The following ZC3H7B variants were observed in gnomAD, a reference collection of about 807,000 sequenced individuals.
ZC3H7B encodes the protein zinc finger CCCH-type containing 7B, also known as zinc finger CCCH domain-containing protein 7B.
In ZC3H7B, 35 loss-of-function variants were observed where a neutral mutation model predicts 116.0. The ratio of observed to expected loss-of-function variants is 0.30; its 90% CI spans 0.23 to 0.40. The LOEUF (loss-of-function observed/expected upper bound fraction) is 0.40, where lower values mean the gene tolerates loss of function less well. Ranked by LOEUF, ZC3H7B falls within the 10% of genes least tolerant of loss-of-function variation. The pLI is 1.00. For synonymous variants in ZC3H7B, 502 were observed against 545.6 expected (o/e 0.92, Z 1.11); for missense variants, 1,011 against 1,321.5 (o/e 0.77, Z 3.64).
Position 41,357,645 on chromosome 22 carries a change from T to A in ZC3H7B, c.*216T>A. On this transcript the variant is annotated 3_prime_UTR_variant, in exon 23 of 23. Coordinates refer to ENST00000352645, the MANE Select transcript of ZC3H7B (RefSeq NM_017590.6). The surrounding 1 kb of genome is among the most constrained non-coding windows in gnomAD (Gnocchi z 5.4). ...AGCCCCCGGAGGCCCCGCTGAAACC[T>A]GGGCTGCCCTTCCCCCACCCCCACG... 1.5e-6 allele frequency: 1 copy of A among 664,350 alleles called. No individual in the cohort carries two copies. The highest frequency in any genetic ancestry group is 2.5e-6 in the Non-Finnish European group (1 of 402,916). 41.2% of individuals were successfully genotyped at this position (664,350 alleles called of 1,614,324 possible).
chr22:41,345,195 G>C (rs933226231), intron 13 of ZC3H7B, among the ~76,000 whole-genome samples: 1 of 152,166 alleles, frequency 6.6e-6, no homozygotes, highest in Non-Finnish European at 1.5e-5. Context: ...GCTGAGGCTC[G>C]GGGAGTAATG....
chr22:41,340,219 T>C (rs1031574312), intron 10 of ZC3H7B, 82 bp downstream of exon 10: 9 of 1,408,222 alleles, frequency 6.4e-6, no homozygotes, highest in South Asian at 5.5e-5. Context: ...GAGAGTGGAG[T>C]TGAGTTACAG....
intron 2 of ZC3H7B, among the ~76,000 whole-genome samples, chr22:41,321,291 C>T (rs2036253556): frequency 6.7e-6 from 1 of 150,240 alleles, no homozygotes; most frequent in South Asian, 2.1e-4. Context: ...TCTCGGCTTA[C>T]TGCAACTTCT....
At chr22:41,329,065 G>A (rs1471391365) in intron 5 of ZC3H7B, among the ~76,000 whole-genome samples, 3 of 148,004 alleles carry the variant, frequency 2.0e-5, no homozygotes, top group Non-Finnish European at 4.5e-5. Context: ...AATTAGCTGG[G>A]CATGGTGGCA....
At chr22:41,344,520 C>T (rs1249482303) in intron 13 of ZC3H7B, among the ~76,000 whole-genome samples, 1 of 152,244 alleles carries the variant, frequency 6.6e-6, no homozygotes, top group Non-Finnish European at 1.5e-5. Context: ...AGCCTAGTCA[C>T]CCTCTGCTCC....
intron 1 of ZC3H7B, among the ~76,000 whole-genome samples, chr22:41,310,306 G>C (rs914737521): frequency 6.6e-5 from 10 of 152,132 alleles, no homozygotes; most frequent in African/African-American, 2.2e-4. Context: ...ACCCCTTCAG[G>C]GGGAGGCACA....
intron 1 of ZC3H7B, among the ~76,000 whole-genome samples, chr22:41,305,559 G>T (rs2036030813): frequency 6.6e-6 from 1 of 152,058 alleles, no homozygotes; most frequent in African/African-American, 2.4e-5. Context: ...AATGAAACTG[G>T]GGTAGCATTG....
In ZC3H7B at chr22:41,349,785, C is replaced by T. The variant is rs1208925951; in HGVS notation, c.1948+484C>T. Among the ~76,000 whole-genome samples the T allele has an allele frequency of 6.6e-6, 1 of 152,214 alleles. No homozygotes were observed. The highest frequency in any genetic ancestry group is 2.4e-5 in the African/African-American group (1 of 41,440). On this transcript the variant is annotated intron_variant, in intron 16 of 22. Coordinates refer to ENST00000352645, the MANE Select transcript of ZC3H7B (RefSeq NM_017590.6). This position sits in a 1 kb window ranked among gnomAD's most constrained non-coding sequence, Gnocchi z 4.9. ...ACCTTCTCTTGTCAGGGCATTCAGC[C>T]ATGGTCTAGTCGAGGCCCTTACTTT...
chr22:41,317,362 A>G (rs957094338), intron 1 of ZC3H7B, among the ~76,000 whole-genome samples: 1 of 152,152 alleles, frequency 6.6e-6, no homozygotes, highest in Non-Finnish European at 1.5e-5. Flanking sequence ...AATTCATCCA[A>G]CAAAATATTG....
intron 1 of ZC3H7B, among the ~76,000 whole-genome samples, chr22:41,319,369 C>A (rs2036225427): frequency 6.6e-6 from 1 of 151,994 alleles, no homozygotes; most frequent in African/African-American, 2.4e-5. Context: ...CCACTGCACT[C>A]CAGCCTGGGC....
rs375953862 is a variant in ZC3H7B, at chr22:41,351,544, G to T, written c.1949-17G>T. On this transcript the variant is annotated splice_polypyrimidine_tract_variant and intron_variant, in intron 16 of 22. Transcript: ENST00000352645. This position sits in a 1 kb window ranked among gnomAD's most constrained non-coding sequence, Gnocchi z 5.1. The stretch of plus-strand genomic sequence containing the variant: ...AGCACCTTGAAAGATGCCTGTGTCT[G>T]CCCCCACCCTCCCCAGGCATGACCC... 8.7e-6 allele frequency: 14 copies of T among 1,608,970 alleles called. No individual in the cohort carries two copies. The highest frequency in any genetic ancestry group is 1.3e-5 in the African/African-American group (1 of 74,754).
rs756093704 is a variant in ZC3H7B at position 41,356,058 on chromosome 22, C to G, written c.2379C>G (p.Asn793Lys). The G allele has an allele frequency of 2.6e-6, 4 of 1,565,574 alleles. No homozygotes were observed. Among genetic ancestry groups the G allele is most frequent in the South Asian group, 1.2e-5 (1 of 83,488 alleles). Residue 793 changes from asparagine (N) to lysine (K), a missense_variant, in exon 20 of 23, where the codon AAC (asparagine) becomes AAG (lysine). Asn to Lys is a moderately conservative substitution (Grantham distance 94). Transcript: ENST00000352645. ...ERDMWTFMKE[N>K]KILDMQQTYD... ...ACATGTGGACCTTCATGAAGGAGAA[C>G]AAGAGTGAGTGGGCAGACGGGGCGG... is the stretch of plus-strand genomic sequence containing the variant.
rs1356291571 is a variant in ZC3H7B, at chr22:41,346,671, C to T, written c.1665+463C>T. 6.6e-6 allele frequency among the ~76,000 whole-genome samples: 1 copy of T among 152,112 alleles called. No individual in the cohort carries two copies. Among genetic ancestry groups the T allele is most frequent in the Non-Finnish European group, 1.5e-5 (1 of 68,032 alleles). Reference sequence around the variant, plus strand: ...TCTCTACTAAAAATACAAAAATTAGCTGGGCGTTGTGGTGCACGCCTGTAG... The same window carrying T: ...TCTCTACTAAAAATACAAAAATTAGTTGGGCGTTGTGGTGCACGCCTGTAG... On this transcript the variant is annotated intron_variant, in intron 14 of 22. Transcript: ENST00000352645. The surrounding 1 kb of genome is among the most constrained non-coding windows in gnomAD (Gnocchi z 5.3).
At chr22:41,305,705 G>T (rs2030254976) in intron 1 of ZC3H7B, among the ~76,000 whole-genome samples, 2 of 152,168 alleles carry the variant, frequency 1.3e-5, no homozygotes, top group Admixed American at 1.3e-4. Flanking sequence ...AGGAGGACCG[G>T]TCCCTGAGCG....
intron 2 of ZC3H7B, among the ~76,000 whole-genome samples, chr22:41,323,101 C>T (rs1601772413): frequency 6.6e-6 from 1 of 152,198 alleles, no homozygotes; most frequent in Non-Finnish European, 1.5e-5. Flanking sequence ...GGGTGTCCTG[C>T]GCTGGGCTGA....
chr22:41,355,927 G>C (rs2036709249), intron 19 of ZC3H7B, 27 bp from the exon 20 acceptor site: 1 of 1,604,412 alleles, frequency 6.2e-7, no homozygotes, highest in East Asian at 2.2e-5. Context: ...GCGGGACTCA[G>C]AGGATCTCCC....
rs1425563153 is a variant in ZC3H7B at position 41,357,500 on chromosome 22, G to A, written c.*71G>A. The A allele has an allele frequency of 5.2e-6, 7 of 1,346,266 alleles. No homozygotes were observed. The highest frequency in any genetic ancestry group is 7.1e-6 in the Non-Finnish European group (7 of 983,562). The allele number at this position is 1,346,266 out of a possible 1,614,324, so 83.4% of individuals were successfully genotyped here. On this transcript the variant is annotated 3_prime_UTR_variant, in exon 23 of 23. Transcript: ENST00000352645. The surrounding 1 kb of genome is among the most constrained non-coding windows in gnomAD (Gnocchi z 5.4). ...GTGGGGCCAGAAGGCCTGATAGAAG[G>A]GTCAGGGCAGGCCAGGGGGGTGGGG...
intron 1 of ZC3H7B, among the ~76,000 whole-genome samples, chr22:41,304,795 C>T (rs1190638430): frequency 1.3e-5 from 2 of 152,202 alleles, no homozygotes; most frequent in African/African-American, 4.8e-5. Flanking sequence ...ATTATAATCT[C>T]CATTTCACAG....
intron 15 of ZC3H7B, among the ~76,000 whole-genome samples, chr22:41,348,767 G>C (rs1345873564): frequency 6.6e-6 from 1 of 152,222 alleles, no homozygotes; most frequent in Non-Finnish European, 1.5e-5. Context: ...TGCAGTGAGG[G>C]TAATTAAGAC....
Sources: allele counts gnomAD v4.1 joint callset (sites outside exome capture counted in the v4.1 genomes callset), GRCh38; gene constraint gnomAD v4.1.1; non-coding constraint Gnocchi (gnomAD v3.1); transcripts MANE v1.5; gene names NCBI Gene and HGNC (gene_info 2026-07-23, HGNC 2026-07-21).